Variants in UNC5C observed in about 807,000 individuals in gnomAD.
UNC5C encodes netrin receptor UNC5C.
In UNC5C, 47 loss-of-function variants were observed where a neutral mutation model predicts 99.8. The observed-to-expected ratio is 0.47, with a 90% CI of 0.37 to 0.60. UNC5C has a LOEUF of 0.60. Ranked by LOEUF, UNC5C falls within the 20% of genes least tolerant of loss-of-function variation. UNC5C has a pLI of 0.00. For missense variants in UNC5C, 1,062 were observed against 1,165.9 expected (o/e 0.91, Z 1.30); for synonymous variants, 487 against 452.2 (o/e 1.08, Z -0.98).
At chr4:95,478,737 T>G (rs966535812) in intron 1 of UNC5C, among the ~76,000 whole-genome samples, 2 of 152,088 alleles carry the variant, frequency 1.3e-5, no homozygotes, top group African/African-American at 4.8e-5. Flanking sequence ...ATTTGAACAC[T>G]GATATAGTTT....
intron 1 of UNC5C, among the ~76,000 whole-genome samples, chr4:95,452,863 G>A (rs1443288335): frequency 6.6e-6 from 1 of 152,104 alleles, no homozygotes; most frequent in Non-Finnish European, 1.5e-5. Flanking sequence ...GAAAGAAAGA[G>A]GGTAAGGTAA....
At chr4:95,288,493 C>T (rs777097756) in intron 3 of UNC5C, among the ~76,000 whole-genome samples, 6 of 152,192 alleles carry the variant, frequency 3.9e-5, no homozygotes, top group Non-Finnish European at 5.9e-5. Context: ...AAATGGATGC[C>T]GCGTAGCAGC....
intron 14 of UNC5C, among the ~76,000 whole-genome samples, chr4:95,175,672 T>G (rs1736311294): frequency 6.6e-6 from 1 of 152,172 alleles, no homozygotes; most frequent in South Asian, 2.1e-4. Flanking sequence ...TGGCTGCCCT[T>G]AACATTTTTT....
intron 1 of UNC5C, among the ~76,000 whole-genome samples, chr4:95,504,652 A>T (rs1194893939): frequency 6.6e-6 from 1 of 152,146 alleles, no homozygotes; most frequent in Non-Finnish European, 1.5e-5. Flanking sequence ...CTACAAATAT[A>T]GTAACAAAAT....
chr4:95,275,378 T>G (rs1312576806), intron 4 of UNC5C, among the ~76,000 whole-genome samples: 3 of 152,210 alleles, frequency 2.0e-5, no homozygotes, highest in Non-Finnish European at 4.4e-5. Context: ...TTGAGTGCTT[T>G]TGACATGTTC....
At chr4:95,290,953 T>G (rs1741421036) in intron 3 of UNC5C, among the ~76,000 whole-genome samples, 1 of 152,194 alleles carries the variant, frequency 6.6e-6, no homozygotes, top group Non-Finnish European at 1.5e-5. Flanking sequence ...TATCACTTAC[T>G]GCACTGAGAT....
intron 1 of UNC5C, among the ~76,000 whole-genome samples, chr4:95,442,547 G>A (rs1359451658): frequency 1.3e-5 from 2 of 151,670 alleles, no homozygotes; most frequent in African/African-American, 2.4e-5. Context: ...GCCCAGGCTG[G>A]CCTCCAACTC....
intron 7 of UNC5C, among the ~76,000 whole-genome samples, chr4:95,232,480 G>A (rs1298584176): frequency 3.9e-5 from 6 of 152,072 alleles, no homozygotes; most frequent in Admixed American, 1.3e-4. Context: ...GAACCTATCT[G>A]CTAGATTTCT....
At chr4:95,202,259 A>T (rs1737705562) in intron 12 of UNC5C, among the ~76,000 whole-genome samples, 1 of 152,168 alleles carries the variant, frequency 6.6e-6, no homozygotes, top group South Asian at 2.1e-4. Flanking sequence ...CACACCAGGA[A>T]TTAAGCTCAT....
chr4:95,458,360 C>A (rs1411014877), intron 1 of UNC5C, among the ~76,000 whole-genome samples: 1 of 152,014 alleles, frequency 6.6e-6, no homozygotes, highest in African/African-American at 2.4e-5. Context: ...TATGATTGTT[C>A]TGTCAAGTAA....
chr4:95,333,443 T>C (rs1019309065), intron 2 of UNC5C, among the ~76,000 whole-genome samples: 8 of 151,760 alleles, frequency 5.3e-5, no homozygotes, highest in Non-Finnish European at 1.2e-4. Context: ...AAATTGGAAA[T>C]CATCATTCTC....
chr4:95,530,697 A>G (rs1250928709), intron 1 of UNC5C, among the ~76,000 whole-genome samples: 1 of 152,212 alleles, frequency 6.6e-6, no homozygotes, highest in Non-Finnish European at 1.5e-5. Context: ...CCTTTATAAC[A>G]TGATTACAAG....
At chr4:95,238,102 T>TAAC (rs1739191422) in intron 7 of UNC5C, among the ~76,000 whole-genome samples, 1 of 152,176 alleles carries the variant, frequency 6.6e-6, no homozygotes, top group South Asian at 2.1e-4. Context: ...TTCCATTTCT[T>TAAC]AACTTTCAAT....
At chr4:95,169,498 C>T in intron 15 of UNC5C, 99 bp from the exon 16 acceptor site, 1 of 1,390,314 alleles carries the variant, frequency 7.2e-7, no homozygotes, top group Non-Finnish European at 9.8e-7. Context: ...TTTAAGTTTC[C>T]TGGTCCCATT....
chr4:95,545,111 A>C (rs1247672082), intron 1 of UNC5C, among the ~76,000 whole-genome samples: 1 of 152,176 alleles, frequency 6.6e-6, no homozygotes, highest in Non-Finnish European at 1.5e-5. Flanking sequence ...GGTTGCTTAA[A>C]ATAGACCCAT....
rs573322397 is a variant in UNC5C at position 95,273,916 on chromosome 4, C to T, written c.594+4343G>A. On this transcript the variant is annotated intron_variant, in intron 4 of 15. Transcript: ENST00000453304. ...CTCAATAGGATTGCATCTTCAGGGA[C>T]GAGAAACACCCTTTTTCTAGAGCTT... Among the ~76,000 whole-genome samples, 47 of 152,152 alleles carry T rather than the reference C, an allele frequency of 3.1e-4. 1 individual carries two copies. Among genetic ancestry groups the T allele is most frequent in the South Asian group, 6.2e-4 (3 of 4,814 alleles).
At chr4:95,364,021 T>G (rs951925218) in intron 1 of UNC5C, among the ~76,000 whole-genome samples, 3 of 152,208 alleles carry the variant, frequency 2.0e-5, no homozygotes, top group Non-Finnish European at 4.4e-5. Flanking sequence ...TACCAACATA[T>G]TAAGATGTGC....
At chr4:95,201,282 G>A (rs747980989) in intron 12 of UNC5C, among the ~76,000 whole-genome samples, 8 of 151,990 alleles carry the variant, frequency 5.3e-5, no homozygotes, top group South Asian at 4.2e-4. Flanking sequence ...TTGACCTTCC[G>A]CCCCATCCAT....
intron 1 of UNC5C, among the ~76,000 whole-genome samples, chr4:95,355,359 C>T (rs1744143516): frequency 6.6e-6 from 1 of 152,134 alleles, no homozygotes; most frequent in Non-Finnish European, 1.5e-5. Flanking sequence ...TCAAGCTTCT[C>T]TCATTTTCCT....
Sources: allele counts gnomAD v4.1 joint callset (sites outside exome capture counted in the v4.1 genomes callset), GRCh38; gene constraint gnomAD v4.1.1; transcripts MANE v1.5; gene names NCBI Gene and HGNC (gene_info 2026-07-23, HGNC 2026-07-21).